LRBA: variants seen among roughly 807,000 people sequenced by gnomAD.
LRBA encodes the protein LPS responsive beige-like anchor protein.
LRBA carries 176 observed loss-of-function variants against 330.0 expected under a neutral mutation model. The observed-to-expected ratio is 0.53, with a 90% CI of 0.47 to 0.60. The LOEUF (loss-of-function observed/expected upper bound fraction) is 0.60. LRBA is among the 20% of genes least tolerant of loss of function. The pLI is 0.00. For synonymous variants in LRBA, 1,230 were observed against 1,193.0 expected (o/e 1.03, Z -0.64); for missense variants, 3,259 against 3,444.8 (o/e 0.95, Z 1.35).
chr4:150,373,445 A>ACT (rs1286260851), intron 47 of LRBA, among the ~76,000 whole-genome samples: 1 of 151,828 alleles, frequency 6.6e-6, no homozygotes, highest in East Asian at 1.9e-4. Context: ...TGTAACCTAG[A>ACT]CTCTCATCAA....
At chr4:150,988,492 T>G (rs1347174592) in intron 2 of LRBA, among the ~76,000 whole-genome samples, 2 of 152,136 alleles carry the variant, frequency 1.3e-5, no homozygotes, top group Non-Finnish European at 2.9e-5. Flanking sequence ...AATGCAAGAA[T>G]GTTGATAATG....
At chr4:150,502,980 T>G (rs1330536491) in intron 40 of LRBA, among the ~76,000 whole-genome samples, 1 of 152,136 alleles carries the variant, frequency 6.6e-6, no homozygotes, top group African/African-American at 2.4e-5. Flanking sequence ...GAGATCAAAC[T>G]GCAAGGTGGC....
At chr4:150,586,568 G>A (rs556511838) in intron 40 of LRBA, among the ~76,000 whole-genome samples, 5 of 152,234 alleles carry the variant, frequency 3.3e-5, no homozygotes, top group African/African-American at 4.8e-5. Flanking sequence ...AAGGAAGGTT[G>A]CAGTGATACA....
intron 40 of LRBA, among the ~76,000 whole-genome samples, chr4:150,510,478 G>A (rs1761700991): frequency 6.6e-6 from 1 of 152,142 alleles, no homozygotes; most frequent in South Asian, 2.1e-4. Flanking sequence ...ACTTACTGTG[G>A]ATACCCTACA....
chr4:150,708,914 G>A (rs1785910127), intron 36 of LRBA, among the ~76,000 whole-genome samples: 2 of 151,690 alleles, frequency 1.3e-5, no homozygotes, highest in African/African-American at 4.8e-5. Flanking sequence ...AACCCTTTCA[G>A]TCATAATCCC....
chr4:150,434,401 T>C (rs1750822521), intron 46 of LRBA, among the ~76,000 whole-genome samples: 1 of 152,262 alleles, frequency 6.6e-6, no homozygotes, highest in African/African-American at 2.4e-5. Flanking sequence ...TTTTGCTTTA[T>C]TAATAATGGA....
chr4:150,986,971 AC>A (rs919273293), intron 2 of LRBA, among the ~76,000 whole-genome samples: 1 of 152,180 alleles, frequency 6.6e-6, no homozygotes, highest in African/African-American at 2.4e-5. Flanking sequence ...CCAACAATAT[AC>A]CCTCTGGGGC....
rs140103045 is a variant in LRBA at position 150,312,715 on chromosome 4, G to C, written c.7694-2331C>G. On this transcript the variant is annotated intron_variant, in intron 51 of 56. Coordinates refer to ENST00000651943, the MANE Select transcript of LRBA (RefSeq NM_001364905.1). ...TAATTAAAAATAAGTTTTAATGATAGACTGTTAAAATTATAGATTACTTAA... is the reference window on the plus strand; with the variant it reads ...TAATTAAAAATAAGTTTTAATGATACACTGTTAAAATTATAGATTACTTAA... Among the ~76,000 whole-genome samples, 1,101 of 152,154 alleles carry C rather than the reference G, an allele frequency of 7.2e-3. 9 individuals are homozygous for C. Among genetic ancestry groups the C allele is most frequent in the African/African-American group, 0.025 (1,058 of 41,534 alleles).
chr4:150,809,951 C>G (rs777513456), intron 31 of LRBA, among the ~76,000 whole-genome samples: 1 of 151,932 alleles, frequency 6.6e-6, no homozygotes, highest in Admixed American at 6.6e-5. Context: ...CTGCTTCACA[C>G]CACTCCCAGA....
At chr4:150,905,713 A>C (rs1345280653) in intron 13 of LRBA, 125 bp downstream of exon 13, 8 of 791,008 alleles carry the variant, frequency 1.0e-5, no homozygotes, top group Non-Finnish European at 1.4e-5. Flanking sequence ...TAGTCAAAAA[A>C]AGCAATCCAC....
intron 37 of LRBA, among the ~76,000 whole-genome samples, chr4:150,611,411 A>G (rs1300353293): frequency 1.3e-5 from 2 of 152,280 alleles, no homozygotes; most frequent in African/African-American, 2.4e-5. Context: ...CCCATTACCA[A>G]AAATTTTCCA....
At chr4:150,690,678 A>AG (rs1784050705) in intron 36 of LRBA, among the ~76,000 whole-genome samples, 1 of 3,720 alleles carries the variant, frequency 2.7e-4, no homozygotes. Context: ...TATCCACATG[A>AG]GAAAAAAAAA....
At chr4:150,412,573 A>G (rs1747156298) in intron 47 of LRBA, among the ~76,000 whole-genome samples, 1 of 152,148 alleles carries the variant, frequency 6.6e-6, no homozygotes, top group African/African-American at 2.4e-5. Context: ...AAATTTTTTA[A>G]TTGTCAAAAT....
rs776678396 is a variant in LRBA at position 150,761,821 on chromosome 4, A to G, written c.5607T>C (p.Asn1869=). Residue 1869 remains asparagine (N), a synonymous_variant, in exon 35 of 57, where the codon AAT becomes AAC. Coordinates refer to ENST00000651943, the MANE Select transcript of LRBA (RefSeq NM_001364905.1). The part of the protein sequence containing the change: ...SQEWQNSIQK[N]AGLAFIELVN... ...CAAGTTCGATAAAAGCAAGGCCTGC[A>G]TTCTTCTGAATAGAATTTTGCCACT... 1 of 1,542,260 alleles carries G rather than the reference A, an allele frequency of 6.5e-7. No homozygotes were observed. Among genetic ancestry groups the G allele is most frequent in the East Asian group, 2.4e-5 (1 of 41,650 alleles).
Position 150,852,014 on chromosome 4 carries a change from G to A in LRBA, c.3696C>T (p.Val1232=). 2 of 1,614,142 alleles carry A rather than the reference G, an allele frequency of 1.2e-6. No individual in the cohort carries two copies. The highest frequency in any genetic ancestry group is 1.7e-6 in the Non-Finnish European group (2 of 1,180,008). ...TCTTTTGCTCAGAAGAAGCCTCAGA[G>A]ACACTACCATGACAATCATTAATTA... is the stretch of plus-strand genomic sequence containing the variant. The part of the protein sequence containing the change: ...TKLINDCHGS[V]SEASSEQKIA... The change falls in exon 23 of 57, where the codon GTC becomes GTT. Residue 1232 remains valine, a synonymous_variant. Coordinates refer to ENST00000651943, the MANE Select transcript of LRBA (RefSeq NM_001364905.1).
intron 47 of LRBA, among the ~76,000 whole-genome samples, chr4:150,365,199 G>T (rs1484115044): frequency 6.6e-6 from 1 of 152,016 alleles, no homozygotes; most frequent in Non-Finnish European, 1.5e-5. Flanking sequence ...TAGAGACAGA[G>T]TTTCACCATG....
chr4:150,618,869 T>C (rs56711086), intron 37 of LRBA, among the ~76,000 whole-genome samples: 24,158 of 129,540 alleles, frequency 0.19, 3,393 homozygotes, highest in African/African-American at 0.4. Flanking sequence ...TATATATATA[T>C]ATACACACAT....
intron 46 of LRBA, among the ~76,000 whole-genome samples, chr4:150,435,072 C>T (rs374324258): frequency 4.0e-5 from 6 of 151,674 alleles, no homozygotes; most frequent in Non-Finnish European, 7.4e-5. Context: ...AGGCCGGGCG[C>T]GGTGGCTCAC....
intron 36 of LRBA, among the ~76,000 whole-genome samples, chr4:150,693,345 C>G (rs1352479119): frequency 6.6e-6 from 1 of 151,884 alleles, no homozygotes; most frequent in Non-Finnish European, 1.5e-5. Flanking sequence ...GGGCGGATCA[C>G]GAGGTCAGGA....
Sources: allele counts gnomAD v4.1 joint callset (sites outside exome capture counted in the v4.1 genomes callset), GRCh38; gene constraint gnomAD v4.1.1; transcripts MANE v1.5; gene names NCBI Gene and HGNC (gene_info 2026-07-23, HGNC 2026-07-21).